Variants in SEMA5A observed in about 807,000 individuals in gnomAD.
SEMA5A encodes semaphorin 5A, also known as semaphorin-5A.
A neutral mutation model predicts 135.5 loss-of-function variants in SEMA5A; 55 were observed. The observed-to-expected ratio is 0.41, with a 90% confidence interval of 0.33 to 0.51. The LOEUF is 0.51. SEMA5A is among the 20% of genes least tolerant of loss of function. The pLI is 0.37. For synonymous variants in SEMA5A, 580 were observed against 546.5 expected (o/e 1.06, Z -0.85); for missense variants, 1,290 against 1,419.9 (o/e 0.91, Z 1.47).
chr5:9,404,707 T>C (rs192923046), intron 2 of SEMA5A, among the ~76,000 whole-genome samples: 2 of 152,326 alleles, frequency 1.3e-5, no homozygotes, highest in Admixed American at 6.5e-5. Flanking sequence ...TTTCCCCTTG[T>C]TAAGGGTAAA....
chr5:9,304,360 C>A (rs1554017291), intron 5 of SEMA5A, among the ~76,000 whole-genome samples: 1 of 152,026 alleles, frequency 6.6e-6, no homozygotes, highest in Non-Finnish European at 1.5e-5. Flanking sequence ...TGAACTATGT[C>A]TATGAAAGAA....
rs897256663 is a variant in SEMA5A at position 9,265,963 on chromosome 5, C to T, written c.271-28073G>A. Among the ~76,000 whole-genome samples the T allele has an allele frequency of 2.0e-5, 3 of 152,334 alleles. No individual in the cohort carries two copies. In the South Asian group the frequency reaches 6.2e-4, roughly 32 times the overall value. On this transcript the variant is annotated intron_variant, in intron 5 of 22. Transcript: ENST00000382496. ...AGAGTAATTGCTACATTTCAACATT[C>T]CTTGCCCCACGGCTGCCCTGCTTCC...
chr5:9,098,932 A>C (rs559031839), intron 16 of SEMA5A, among the ~76,000 whole-genome samples: 5 of 152,354 alleles, frequency 3.3e-5, no homozygotes, highest in Admixed American at 2.6e-4. Flanking sequence ...TCTTTCAATT[A>C]ACTTTGCAAT....
chr5:9,509,297 A>C (rs1736076759), intron 1 of SEMA5A, among the ~76,000 whole-genome samples: 1 of 151,604 alleles, frequency 6.6e-6, no homozygotes, highest in Non-Finnish European at 1.5e-5. Flanking sequence ...ATTTTGAGAC[A>C]GAGTTTTGCT....
At chr5:9,073,641 A>G (rs1737888446) in intron 16 of SEMA5A, among the ~76,000 whole-genome samples, 1 of 152,174 alleles carries the variant, frequency 6.6e-6, no homozygotes, top group South Asian at 2.1e-4. Context: ...AAAGTCATCC[A>G]TATTAAAAGT....
At chr5:9,210,231 T>G (rs1746268576) in intron 8 of SEMA5A, among the ~76,000 whole-genome samples, 1 of 152,152 alleles carries the variant, frequency 6.6e-6, no homozygotes, top group African/African-American at 2.4e-5. Context: ...TTGGCAAGTA[T>G]ATTGGCAAGT....
intron 1 of SEMA5A, among the ~76,000 whole-genome samples, chr5:9,543,082 A>G (rs1167161800): frequency 6.6e-6 from 1 of 152,244 alleles, no homozygotes; most frequent in Non-Finnish European, 1.5e-5. Flanking sequence ...TCAGATAGGC[A>G]GCTCTCTCTA....
chr5:9,420,983 T>A (rs1031876402), intron 2 of SEMA5A, among the ~76,000 whole-genome samples: 1 of 152,198 alleles, frequency 6.6e-6, no homozygotes, highest in African/African-American at 2.4e-5. Flanking sequence ...GCCACTGCAC[T>A]CCAGCCTGGG....
At chr5:9,181,812 G>A (rs1744527627) in intron 11 of SEMA5A, among the ~76,000 whole-genome samples, 1 of 152,106 alleles carries the variant, frequency 6.6e-6, no homozygotes, top group Non-Finnish European at 1.5e-5. Context: ...CACAGGTAAA[G>A]TACCCTTGCC....
rs772769468 is a variant in SEMA5A, at chr5:9,202,063, C to A, written c.824G>T (p.Arg275Leu). The part of the protein sequence containing the change: ...EDTWTTFMKA[R>L]LNCSRPGEVP... ...TTCCCCAGGACGGGAGCAGTTCAGGCGAGCCTTCATGAATGTGGTCCAGGT... is the reference window on the plus strand; with the variant it reads ...TTCCCCAGGACGGGAGCAGTTCAGGAGAGCCTTCATGAATGTGGTCCAGGT... The change falls in exon 9 of 23, where the codon CGC becomes CTC. Residue 275 changes from arginine (R) to leucine (L), a missense_variant. Around this residue, in one of 3 missense-constraint regions of SEMA5A, gnomAD observed 1,029 missense variants for 1,086.6 expected, o/e 0.95. Coordinates refer to ENST00000382496, the MANE Select transcript of SEMA5A (RefSeq NM_003966.3). The A allele has an allele frequency of 2.3e-5, 37 of 1,614,192 alleles. 1 individual carries two copies. The African/African-American group carries it at 4.3e-4, about 19-fold the overall frequency.
intron 11 of SEMA5A, among the ~76,000 whole-genome samples, chr5:9,163,634 TA>T (rs1220559920): frequency 6.6e-6 from 1 of 152,206 alleles, no homozygotes; most frequent in Non-Finnish European, 1.5e-5. Flanking sequence ...GTCATATGTT[TA>T]AGTCCTGGCC....
intron 2 of SEMA5A, among the ~76,000 whole-genome samples, chr5:9,410,485 T>C (rs1187711164): frequency 1.3e-5 from 2 of 152,194 alleles, no homozygotes; most frequent in Non-Finnish European, 2.9e-5. Context: ...TAGCAAAGCA[T>C]TCAGGCTACT....
intron 2 of SEMA5A, among the ~76,000 whole-genome samples, chr5:9,400,044 AAACT>A (rs1274464235): frequency 6.6e-6 from 1 of 152,206 alleles, no homozygotes; most frequent in African/African-American, 2.4e-5. Flanking sequence ...CATTCTCAGC[AAACT>A]AACACAGGAA....
intron 1 of SEMA5A, among the ~76,000 whole-genome samples, chr5:9,509,469 T>G (rs1354863995): frequency 6.6e-6 from 1 of 151,916 alleles, no homozygotes; most frequent in African/African-American, 2.4e-5. Context: ...GAGACAGGTT[T>G]TCATCATATT....
chr5:9,134,835 A>T (rs368570993), intron 13 of SEMA5A, among the ~76,000 whole-genome samples: 2 of 152,210 alleles, frequency 1.3e-5, no homozygotes, highest in African/African-American at 2.4e-5. Context: ...GGTATTAAAC[A>T]TTATGTTTTA....
At chr5:9,093,406 A>G (rs1209305109) in intron 16 of SEMA5A, among the ~76,000 whole-genome samples, 4 of 152,244 alleles carry the variant, frequency 2.6e-5, no homozygotes, top group Non-Finnish European at 5.9e-5. Context: ...CAACTGTGAC[A>G]GCAAGCTAAA....
chr5:9,364,623 A>T (rs1754837317), intron 3 of SEMA5A, among the ~76,000 whole-genome samples: 1 of 152,220 alleles, frequency 6.6e-6, no homozygotes, highest in South Asian at 2.1e-4. Context: ...AATTATAAGA[A>T]GGACAAATTA....
intron 15 of SEMA5A, among the ~76,000 whole-genome samples, chr5:9,117,921 A>G (rs556790937): frequency 6.6e-6 from 1 of 152,214 alleles, no homozygotes; most frequent in Admixed American, 6.5e-5. Context: ...GGTAAAAATC[A>G]TCTTCATTTC....
At chr5:9,222,231 A>C (rs3797955) in intron 8 of SEMA5A, among the ~76,000 whole-genome samples, 3,428 of 152,280 alleles carry the variant, frequency 0.023, 100 homozygotes, top group East Asian at 0.1. Context: ...CAGGGGGTGG[A>C]AGCAGAACCT....
Sources: allele counts gnomAD v4.1 joint callset (sites outside exome capture counted in the v4.1 genomes callset), GRCh38; gene constraint gnomAD v4.1.1; regional missense constraint gnomAD v4.1.1; transcripts MANE v1.5; gene names NCBI Gene and HGNC (gene_info 2026-07-23, HGNC 2026-07-21).